The following CAST variants were observed in gnomAD, a reference collection of about 807,000 sequenced individuals.
The protein encoded by CAST is calpastatin, also known as MIR583 host.
CAST carries 76 observed loss-of-function variants against 119.6 expected under a neutral mutation model. The ratio of observed to expected loss-of-function variants is 0.64; its 90% CI spans 0.53 to 0.77. CAST has a LOEUF of 0.77. Among genes scored for constraint, CAST ranks in the 30% least tolerant of loss-of-function variants. CAST has a pLI of 0.00. For missense variants in CAST, 953 were observed against 946.5 expected (o/e 1.01, Z -0.09); for synonymous variants, 319 against 331.6 (o/e 0.96, Z 0.41).
At chr5:96,375,479 A>G in the CAST span, among the ~76,000 whole-genome samples, 1 of 151,732 alleles carries the variant, frequency 6.6e-6, no homozygotes, top group East Asian at 1.9e-4. Flanking sequence ...TGAGTTTACT[A>G]CACAATGTAG....
the CAST span, among the ~76,000 whole-genome samples, chr5:96,192,714 A>G: frequency 6.6e-6 from 1 of 152,174 alleles, no homozygotes; most frequent in Non-Finnish European, 1.5e-5. Flanking sequence ...TGCTGGGGCC[A>G]GTGGAACGTG....
chr5:96,650,510 T>A (rs1748076996), intron 1 of CAST, among the ~76,000 whole-genome samples: 1 of 152,224 alleles, frequency 6.6e-6, no homozygotes, highest in Non-Finnish European at 1.5e-5. Flanking sequence ...GAAGTAAATA[T>A]ATTCATTTCT....
upstream of CAST, among the ~76,000 whole-genome samples, chr5:96,522,859 C>T (rs897067567): frequency 6.6e-6 from 1 of 152,172 alleles, no homozygotes; most frequent in African/African-American, 2.4e-5. Context: ...TGAGGAGCCT[C>T]CCGACATGGA....
the CAST span, among the ~76,000 whole-genome samples, chr5:96,192,580 G>C: frequency 6.6e-6 from 1 of 152,214 alleles, no homozygotes; most frequent in Non-Finnish European, 1.5e-5. Flanking sequence ...GGAAGGATGT[G>C]ATAGGTTGCA....
At chr5:96,046,749 G>A in the CAST span, among the ~76,000 whole-genome samples, 8 of 152,188 alleles carry the variant, frequency 5.3e-5, no homozygotes, top group African/African-American at 1.7e-4. Context: ...AAGAAAAAGA[G>A]GTTTAATTGG....
At chr5:96,719,260 A>G (rs1757770405) in intron 3 of CAST, among the ~76,000 whole-genome samples, 1 of 152,122 alleles carries the variant, frequency 6.6e-6, no homozygotes. Context: ...CAAGACAGTT[A>G]AGTGAGCCTC....
At chr5:96,177,141 TA>T in the CAST span, among the ~76,000 whole-genome samples, 1 of 152,252 alleles carries the variant, frequency 6.6e-6, no homozygotes, top group East Asian at 1.9e-4. Flanking sequence ...TATCCCTCAT[TA>T]AAAAATCTAC....
At chr5:96,732,997 G>A (rs375531325) in intron 9 of CAST, among the ~76,000 whole-genome samples, 6 of 151,968 alleles carry the variant, frequency 3.9e-5, no homozygotes, top group African/African-American at 1.2e-4. Context: ...TGGTAAAGAA[G>A]GTCATAGGGA....
chr5:96,229,505 G>A, the CAST span, among the ~76,000 whole-genome samples: 7 of 152,096 alleles, frequency 4.6e-5, no homozygotes, highest in African/African-American at 1.4e-4. Flanking sequence ...GCACAGAGAT[G>A]CAGATGTTAA....
the CAST span, among the ~76,000 whole-genome samples, chr5:96,288,627 T>G: frequency 6.6e-6 from 1 of 152,198 alleles, no homozygotes; most frequent in Non-Finnish European, 1.5e-5. Flanking sequence ...ATGGACTATC[T>G]TATTTTCCAA....
At chr5:96,489,038 G>A in the CAST span, among the ~76,000 whole-genome samples, 1 of 152,194 alleles carries the variant, frequency 6.6e-6, no homozygotes. Context: ...CCACTTTTGT[G>A]CAAACTTGAC....
chr5:95,988,760 A>G, the CAST span, among the ~76,000 whole-genome samples: 1 of 152,190 alleles, frequency 6.6e-6, no homozygotes, highest in Non-Finnish European at 1.5e-5. Flanking sequence ...TATTGCAAAG[A>G]TTAAGTGACA....
chr5:96,004,455 A>G, the CAST span, among the ~76,000 whole-genome samples: 1 of 152,240 alleles, frequency 6.6e-6, no homozygotes, highest in Non-Finnish European at 1.5e-5. Context: ...GAATGACAAC[A>G]TGACAAAATA....
the CAST span, among the ~76,000 whole-genome samples, chr5:96,420,900 A>G: frequency 2.6e-5 from 4 of 152,102 alleles, no homozygotes; most frequent in African/African-American, 9.7e-5. Context: ...TGTGACATAT[A>G]CCAAGAGCTG....
At chr5:96,537,187 C>A (rs1745835671) in intron 1 of CAST, among the ~76,000 whole-genome samples, 13 of 152,254 alleles carry the variant, frequency 8.5e-5, no homozygotes, top group Admixed American at 8.5e-4. Flanking sequence ...TTGCTGAGCT[C>A]TGTCCCATAT....
the CAST span, among the ~76,000 whole-genome samples, chr5:96,309,979 G>T: frequency 0.021 from 3,233 of 152,308 alleles, 102 homozygotes; most frequent in African/African-American, 0.072. Flanking sequence ...TGTAAGTGGT[G>T]AGAGTGAGCA....
At chr5:96,170,072 C>A in the CAST span, among the ~76,000 whole-genome samples, 3 of 152,188 alleles carry the variant, frequency 2.0e-5, no homozygotes, top group South Asian at 6.2e-4. Flanking sequence ...ATGGACTTAC[C>A]CTCCACTGTG....
the CAST span, among the ~76,000 whole-genome samples, chr5:96,515,112 C>G: frequency 2.0e-5 from 3 of 152,028 alleles, no homozygotes; most frequent in African/African-American, 7.2e-5. Flanking sequence ...CCGTGGTTTG[C>G]CCAATACCCA....
chr5:96,399,152 C>G, the CAST span: 1 of 746,724 alleles, frequency 1.3e-6, no homozygotes, highest in Non-Finnish European at 2.3e-6. Context: ...TTGTCACTCC[C>G]TGTGATGTGT....
Sources: allele counts gnomAD v4.1 joint callset (sites outside exome capture counted in the v4.1 genomes callset), GRCh38; gene constraint gnomAD v4.1.1; transcripts MANE v1.5; gene names NCBI Gene and HGNC (gene_info 2026-07-23, HGNC 2026-07-21).